Variants in PEAK1 observed in about 807,000 individuals in gnomAD.
The protein encoded by PEAK1 is pseudopodium enriched atypical kinase 1, also known as inactive tyrosine-protein kinase PEAK1.
Under a neutral mutation model 124.7 loss-of-function variants are expected in PEAK1, and 54 were observed. That is an observed-to-expected ratio of 0.43 (90% CI 0.35 to 0.54). The LOEUF is 0.54. Ranked by LOEUF, PEAK1 falls within the 20% of genes least tolerant of loss-of-function variation. The probability of loss-of-function intolerance (pLI) is 0.01; values close to 1 mark genes in which losing one functional copy is unlikely to be tolerated. For synonymous variants in PEAK1, 719 were observed against 760.0 expected, an observed-to-expected ratio of 0.95 and a Z score of 0.89; for missense variants, 2,046 against 2,134.5, an observed-to-expected ratio of 0.96 and a Z score of 0.82.
At chr15:77,277,914 G>A (rs1177903795) in intron 5 of PEAK1, among the ~76,000 whole-genome samples, 1 of 152,120 alleles carries the variant, frequency 6.6e-6, no homozygotes, top group Non-Finnish European at 1.5e-5. Flanking sequence ...TACTCTATAT[G>A]ATACTAGAAT....
At chr15:77,303,094 C>A (rs114977768) in intron 2 of PEAK1, among the ~76,000 whole-genome samples, 3 of 152,180 alleles carry the variant, frequency 2.0e-5, no homozygotes, top group African/African-American at 7.2e-5. Flanking sequence ...TTCATGATTT[C>A]ATAGCTCTTT....
chr15:77,310,785 G>A (rs1289005139), intron 2 of PEAK1, among the ~76,000 whole-genome samples: 5 of 152,194 alleles, frequency 3.3e-5, no homozygotes, highest in Non-Finnish European at 5.9e-5. Flanking sequence ...CTAAAGAAGC[G>A]TTGAGATCTG....
At chr15:77,245,664 A>T (rs557435116) in intron 6 of PEAK1, among the ~76,000 whole-genome samples, 7 of 152,144 alleles carry the variant, frequency 4.6e-5, no homozygotes, top group African/African-American at 1.4e-4. Context: ...TTACCACTGC[A>T]CTCCAGCCTG....
At position 77,195,764 on chromosome 15, in the gene PEAK1, CAT is replaced by C. The variant is rs573745154; in HGVS notation, c.-114-13726_-114-13725del. Reference sequence around the variant, plus strand: ...AGTCTCACTAAGTACCAGATGGTGACATGTACTAATTAATCAGGCCTATTCAA... The same window carrying C: ...AGTCTCACTAAGTACCAGATGGTGACGTACTAATTAATCAGGCCTATTCAA... On this transcript the variant is annotated intron_variant, in intron 6 of 9. Coordinates refer to ENST00000682557, the MANE Select transcript of PEAK1 (RefSeq NM_001385026.1). Among the ~76,000 whole-genome samples, 779 of 152,302 alleles carry C rather than the reference CAT, an allele frequency of 5.1e-3. 5 individuals are homozygous for C. Among genetic ancestry groups the C allele is most frequent in the African/African-American group, 0.018 (729 of 41,566 alleles).
chr15:77,229,897 T>G (rs1324579103), intron 6 of PEAK1, among the ~76,000 whole-genome samples: 2 of 152,182 alleles, frequency 1.3e-5, no homozygotes. Context: ...TCCGCCGGCC[T>G]TGGCCTCCCA....
At chr15:77,224,133 G>C (rs1378789111) in intron 6 of PEAK1, among the ~76,000 whole-genome samples, 1 of 146,102 alleles carries the variant, frequency 6.8e-6, no homozygotes, top group Non-Finnish European at 1.5e-5. Context: ...ATAAGTAGTA[G>C]TTTTTTTTTT....
chr15:77,312,792 A>G (rs367893101), intron 2 of PEAK1, among the ~76,000 whole-genome samples: 1 of 152,320 alleles, frequency 6.6e-6, no homozygotes, highest in African/African-American at 2.4e-5. Flanking sequence ...ATGGAAAGAA[A>G]GCTCTCCCCA....
At chr15:77,372,945 C>T (rs1329910853) in intron 1 of PEAK1, among the ~76,000 whole-genome samples, 3 of 152,146 alleles carry the variant, frequency 2.0e-5, no homozygotes, top group South Asian at 2.1e-4. Context: ...TCACCAGAAC[C>T]CTAGCAGATG....
At chr15:77,235,962 A>G (rs906471205) in intron 6 of PEAK1, among the ~76,000 whole-genome samples, 9 of 152,230 alleles carry the variant, frequency 5.9e-5, no homozygotes, top group African/African-American at 2.2e-4. Flanking sequence ...GGTGCACAGA[A>G]GTCAAGAAAT....
chr15:77,404,223 A>T (rs1443891146), intron 1 of PEAK1: 1 of 985,408 alleles, frequency 1.0e-6, no homozygotes, highest in African/African-American at 1.7e-5. Flanking sequence ...AGTGTTCAGG[A>T]TCCATGGTGT....
intron 2 of PEAK1, among the ~76,000 whole-genome samples, chr15:77,288,443 A>T (rs1156812839): frequency 6.6e-6 from 1 of 152,222 alleles, no homozygotes; most frequent in Non-Finnish European, 1.5e-5. Flanking sequence ...CCAAGCTCAC[A>T]TATCATTGCA....
Position 77,179,464 on chromosome 15 carries a change from A to G in PEAK1, c.2463T>C (p.Phe821=), listed in dbSNP as rs764794610. The part of the protein sequence containing the change: ...KSTPVRPKSL[F]TSQPSGEAEA... Reference sequence around the variant, plus strand: ...CAGCCTCACCACTAGGCTGAGATGTAAAGAGAGATTTGGGCCGGACTGGCG... The same window carrying G: ...CAGCCTCACCACTAGGCTGAGATGTGAAGAGAGATTTGGGCCGGACTGGCG... Residue 821 remains phenylalanine, a synonymous_variant, in exon 7 of 10, where the codon TTT becomes TTC. Coordinates refer to ENST00000682557, the MANE Select transcript of PEAK1 (RefSeq NM_001385026.1). 2.5e-6 allele frequency: 4 copies of G among 1,614,066 alleles called. No individual in the cohort carries two copies. In the African/African-American group the frequency reaches 4.0e-5, roughly 16 times the overall value.
chr15:77,125,690 T>G (rs2052317066), intron 9 of PEAK1, among the ~76,000 whole-genome samples: 1 of 152,266 alleles, frequency 6.6e-6, no homozygotes, highest in Admixed American at 6.5e-5. Flanking sequence ...TCTGTCTGAC[T>G]TAAAAGCCTA....
At chr15:77,255,362 A>C in intron 5 of PEAK1, 1 of 982,948 alleles carries the variant, frequency 1.0e-6, no homozygotes, top group Non-Finnish European at 1.2e-6. Flanking sequence ...ATTTATTCCA[A>C]GCTTCTGCCG....
chr15:77,354,766 G>A (rs1018091092), intron 2 of PEAK1, among the ~76,000 whole-genome samples: 4 of 152,142 alleles, frequency 2.6e-5, no homozygotes, highest in South Asian at 2.1e-4. Flanking sequence ...AGGGCCAGGC[G>A]CGGTGGTTCA....
intron 1 of PEAK1, among the ~76,000 whole-genome samples, chr15:77,399,862 A>G (rs2071209057): frequency 6.6e-6 from 1 of 152,224 alleles, no homozygotes; most frequent in African/African-American, 2.4e-5. Context: ...AAAACAATCA[A>G]TAAAGTGAAG....
intron 9 of PEAK1, among the ~76,000 whole-genome samples, chr15:77,129,346 A>G (rs1327255908): frequency 6.6e-6 from 1 of 152,256 alleles, no homozygotes; most frequent in Non-Finnish European, 1.5e-5. Context: ...GCAAACTAAA[A>G]TAACATACAG....
chr15:77,259,864 T>C (rs549260778), intron 5 of PEAK1, among the ~76,000 whole-genome samples: 4 of 152,050 alleles, frequency 2.6e-5, no homozygotes, highest in African/African-American at 7.2e-5. Context: ...CTTGGAGAGA[T>C]AGAAAAAAGT....
chr15:77,201,173 C>G (rs1395247564), intron 6 of PEAK1, among the ~76,000 whole-genome samples: 1 of 150,752 alleles, frequency 6.6e-6, no homozygotes, highest in Non-Finnish European at 1.5e-5. Context: ...CATGTCTTTC[C>G]AACTTTAAGA....
Sources: gnomAD v4.1 joint callset for allele counts (sites outside exome capture counted in the v4.1 genomes callset) on GRCh38, gnomAD v4.1.1 for gene constraint, MANE v1.5 for transcripts, NCBI Gene and HGNC (gene_info 2026-07-23, HGNC 2026-07-21) for gene names.